Variants in RHOBTB3 observed in about 807,000 individuals in gnomAD.
RHOBTB3 encodes Rho related BTB domain containing 3.
Under a neutral mutation model 67.2 loss-of-function variants are expected in RHOBTB3, and 47 were observed. The observed-to-expected ratio is 0.70, with a 90% CI of 0.55 to 0.89. RHOBTB3 has a LOEUF of 0.89. Among genes scored for constraint, RHOBTB3 ranks in the 40% least tolerant of loss-of-function variants. The pLI is 0.00. For synonymous variants in RHOBTB3, 273 were observed against 274.2 expected, an observed-to-expected ratio of 1.00 and a Z score of 0.04; for missense variants, 631 against 750.0, an observed-to-expected ratio of 0.84 and a Z score of 1.85.
chr5:95,732,815 T>TA (rs778425257), intron 2 of RHOBTB3: 11 of 152,220 alleles, frequency 7.2e-5, no homozygotes, highest in Non-Finnish European at 1.6e-4. Context: ...GAAAGGAACT[T>TA]ACTTTCTGAC....
intron 11 of RHOBTB3, chr5:95,789,431 A>G (rs1270002714): frequency 1.3e-5 from 2 of 152,372 alleles, no homozygotes; most frequent in Non-Finnish European, 2.9e-5. Context: ...TAAAAATTAA[A>G]ACCAAAGTGT....
Position 95,765,078 on chromosome 5 carries a change from G to A in RHOBTB3, c.1161+1458G>A, listed in dbSNP as rs544004773. Among the ~76,000 whole-genome samples the A allele has an allele frequency of 2.5e-4, 38 of 152,078 alleles. 1 individual carries two copies. The highest frequency in any genetic ancestry group is 6.8e-3 in the Middle Eastern group (2 of 294). ...ACGGACCAGTGAAAATGTACATCACGTACATTTGTGTTCTCTCAAACTTCT... is the reference window on the plus strand; with the variant it reads ...ACGGACCAGTGAAAATGTACATCACATACATTTGTGTTCTCTCAAACTTCT... On this transcript the variant is annotated intron_variant, in intron 7 of 11. Transcript: ENST00000379982.
chr5:95,748,307 C>T (rs370715856), intron 3 of RHOBTB3, 26 bp from the exon 4 acceptor site: 20 of 1,558,868 alleles, frequency 1.3e-5, no homozygotes, highest in Non-Finnish European at 1.7e-5. Context: ...TTTCGAAACT[C>T]TTTGTTTTAA....
chr5:95,782,234 A>G (rs2112831784), intron 9 of RHOBTB3: 1 of 152,354 alleles, frequency 6.6e-6, no homozygotes, highest in Middle Eastern at 3.4e-3. Context: ...TATTCACCAT[A>G]CACAGTGTTC....
At chr5:95,738,262 T>C (rs1307851915) in intron 3 of RHOBTB3, among the ~76,000 whole-genome samples, 1 of 152,194 alleles carries the variant, frequency 6.6e-6, no homozygotes, top group African/African-American at 2.4e-5. Flanking sequence ...CCTATCTTTC[T>C]TTTTATTTCT....
chr5:95,783,215 A>G (rs1746112636), intron 9 of RHOBTB3, among the ~76,000 whole-genome samples: 1 of 151,482 alleles, frequency 6.6e-6, no homozygotes, highest in African/African-American at 2.4e-5. Flanking sequence ...TTCGCCTCCC[A>G]GGTTTTAGTG....
At chr5:95,730,079 T>C (rs1755174370), upstream of RHOBTB3, among the ~76,000 whole-genome samples, 1 of 151,634 alleles carries the variant, frequency 6.6e-6, no homozygotes, top group Admixed American at 6.6e-5. Flanking sequence ...AAAGGGAAAT[T>C]AGATTAAAAA....
At chr5:95,771,477 C>T (rs144118620) in intron 8 of RHOBTB3, among the ~76,000 whole-genome samples, 1 of 152,072 alleles carries the variant, frequency 6.6e-6, no homozygotes, top group African/African-American at 2.4e-5. Flanking sequence ...GAGCCTGGGA[C>T]GCTGAAAGTA....
chr5:95,749,066 A>G (rs1173512337), intron 4 of RHOBTB3, among the ~76,000 whole-genome samples: 1 of 152,190 alleles, frequency 6.6e-6, no homozygotes, highest in Non-Finnish European at 1.5e-5. Flanking sequence ...TGCTGATGTT[A>G]ACACATAGCA....
chr5:95,746,689 C>G (rs919022902), intron 3 of RHOBTB3, among the ~76,000 whole-genome samples: 1 of 152,032 alleles, frequency 6.6e-6, no homozygotes, highest in Non-Finnish European at 1.5e-5. Flanking sequence ...TCAGGTGGAG[C>G]AAGTAGCAGT....
At chr5:95,775,417 T>G (rs1745843056) in intron 8 of RHOBTB3, among the ~76,000 whole-genome samples, 1 of 148,548 alleles carries the variant, frequency 6.7e-6, no homozygotes. Flanking sequence ...TATATATATA[T>G]ATATACACAT....
At chr5:95,758,839 G>A (rs922558846) in intron 6 of RHOBTB3, among the ~76,000 whole-genome samples, 1 of 152,178 alleles carries the variant, frequency 6.6e-6, no homozygotes, top group African/African-American at 2.4e-5. Context: ...CTGGATCTCT[G>A]GACTGCCAGA....
chr5:95,728,417 A>C (rs1326584842), upstream of RHOBTB3, among the ~76,000 whole-genome samples: 1 of 152,230 alleles, frequency 6.6e-6, no homozygotes, highest in Non-Finnish European at 1.5e-5. Context: ...CTCTTCTTCC[A>C]AATCTAACAA....
intron 6 of RHOBTB3, among the ~76,000 whole-genome samples, chr5:95,758,312 T>C (rs901207899): frequency 1.3e-5 from 2 of 152,200 alleles, no homozygotes; most frequent in Non-Finnish European, 2.9e-5. Flanking sequence ...CCTGTTGTAA[T>C]TTTTTTATGC....
chr5:95,782,676 G>C (rs1158108321), intron 9 of RHOBTB3: 1 of 152,200 alleles, frequency 6.6e-6, no homozygotes, highest in Non-Finnish European at 1.5e-5. Context: ...CGGGCGTGGT[G>C]GTGGGCGCCT....
intron 4 of RHOBTB3, among the ~76,000 whole-genome samples, chr5:95,748,743 A>G (rs1462240504): frequency 3.3e-5 from 5 of 152,168 alleles, no homozygotes; most frequent in Admixed American, 3.3e-4. Flanking sequence ...TCTTTGTTGT[A>G]TGTATCAAAA....
At chr5:95,769,667 T>C (rs1277639634) in intron 8 of RHOBTB3, 2 of 168,148 alleles carry the variant, frequency 1.2e-5, no homozygotes, top group Non-Finnish European at 2.5e-5. Context: ...ATCAAAATTT[T>C]TGCATATCTT....
At chr5:95,758,594 C>G (rs111676272) in intron 6 of RHOBTB3, among the ~76,000 whole-genome samples, 1 of 152,128 alleles carries the variant, frequency 6.6e-6, no homozygotes, top group Admixed American at 6.5e-5. Flanking sequence ...TGGAACAGTG[C>G]GGCCAAGACA....
rs375464112 is a variant in RHOBTB3, at chr5:95,740,852, AAC to A, written c.415+3792_415+3793del. 1.9e-3 allele frequency among the ~76,000 whole-genome samples: 295 copies of A among 151,858 alleles called. 1 individual carries two copies. Among genetic ancestry groups the A allele is most frequent in the African/African-American group, 5.5e-3 (227 of 41,460 alleles). ...AAGACATTGAACCCTAGATTTTATA[AAC>A]ACACACACACACACTTTTTTTTGGC... On this transcript the variant is annotated intron_variant, in intron 3 of 11. Coordinates refer to ENST00000379982, the MANE Select transcript of RHOBTB3 (RefSeq NM_014899.4).
Sources: allele counts gnomAD v4.1 joint callset (sites outside exome capture counted in the v4.1 genomes callset), GRCh38; gene constraint gnomAD v4.1.1; transcripts MANE v1.5; gene names NCBI Gene and HGNC (gene_info 2026-07-23, HGNC 2026-07-21).